The following STARD9 variants were observed in gnomAD, a reference collection of about 807,000 sequenced individuals.
STARD9 encodes StAR related lipid transfer domain containing 9, also known as stAR-related lipid transfer protein 9.
A neutral mutation model predicts 399.8 loss-of-function variants in STARD9; 346 were observed. The ratio of observed to expected loss-of-function variants is 0.87; its 90% confidence interval spans 0.79 to 0.95. The LOEUF (loss-of-function observed/expected upper bound fraction) is 0.95. STARD9 is among the 40% of genes least tolerant of loss of function. STARD9 has a pLI of 0.00. For synonymous variants in STARD9, 2,203 were observed against 2,143.5 expected, an observed-to-expected ratio of 1.03 and a Z score of -0.77; for missense variants, 5,832 against 5,667.5, an observed-to-expected ratio of 1.03 and a Z score of -0.93.
intron 3 of STARD9, among the ~76,000 whole-genome samples, chr15:42,615,495 TAAA>T (rs1297419905): frequency 6.6e-6 from 1 of 152,000 alleles, no homozygotes; most frequent in African/African-American, 2.4e-5. Context: ...ATTTTTTAGT[TAAA>T]AAATTATTTA....
chr15:42,585,551 T>C lies in STARD9; in HGVS notation c.148T>C (p.Ser50Pro). 1 of 1,537,130 alleles carries C rather than the reference T, an allele frequency of 6.5e-7. No individual in the cohort carries two copies. The highest frequency in any genetic ancestry group is 1.2e-5 in the South Asian group (1 of 84,056). The stretch of plus-strand genomic sequence containing the variant: ...CAATCGACCAGATGGCTTTGGGGAC[T>C]CCCGGGAGAAGGTTATGGCATTTGG... Reference protein sequence around the residue: ...VDNRPDGFGDSREKVMAFGFD... With the variant: ...VDNRPDGFGDPREKVMAFGFD... The change falls in exon 3 of 33, where the codon TCC (serine) becomes CCC (proline). Residue 50 changes from serine to proline, a missense_variant. Ser to Pro is a moderately conservative substitution (Grantham distance 74). Around this residue, in one of 2 missense-constraint regions of STARD9, gnomAD observed 5,828 missense variants for 5,651.1 expected, o/e 1.03. Transcript: ENST00000290607.
At chr15:42,719,115 A>G (rs1314869953) in intron 32 of STARD9, among the ~76,000 whole-genome samples, 2 of 152,316 alleles carry the variant, frequency 1.3e-5, no homozygotes, top group East Asian at 1.9e-4. Flanking sequence ...GAGTTTATCA[A>G]TCTTTTCTGA....
Position 42,689,261 on chromosome 15 carries a change from G to C in STARD9, c.7683G>C (p.Gln2561His). Reference protein sequence around the residue: ...ILEEIRQAKAQRKQLHDFVAR... With the variant: ...ILEEIRQAKAHRKQLHDFVAR... ...AGGAGATCAGACAGGCAAAGGCCCA[G>C]AGAAAGCAGCTTCATGACTTTGTGG... Residue 2561 changes from glutamine (Q) to histidine (H), a missense_variant, in exon 23 of 33, where the codon CAG (glutamine) becomes CAC (histidine). Around this residue, in one of 2 missense-constraint regions of STARD9, gnomAD observed 5,828 missense variants for 5,651.1 expected, o/e 1.03. Transcript: ENST00000290607. 2.6e-6 allele frequency: 4 copies of C among 1,537,278 alleles called. No individual in the cohort carries two copies. Among genetic ancestry groups the C allele is most frequent in the Non-Finnish European group, 3.5e-6 (4 of 1,146,914 alleles).
At chr15:42,708,651 T>C (rs945110586) in intron 26 of STARD9, among the ~76,000 whole-genome samples, 3 of 152,224 alleles carry the variant, frequency 2.0e-5, no homozygotes, top group African/African-American at 7.2e-5. Context: ...TTTTGGAATG[T>C]ATTTATCTGC....
chr15:42,685,642 G>A lies in STARD9; in HGVS notation c.4064G>A (p.Gly1355Asp), dbSNP rs1001369522. 10 of 1,537,112 alleles carry A rather than the reference G, an allele frequency of 6.5e-6. No homozygotes were observed. Among genetic ancestry groups the A allele is most frequent in the South Asian group, 1.2e-5 (1 of 84,066 alleles). Residue 1355 changes from glycine (G) to aspartate (D), a missense_variant, in exon 23 of 33, where the codon GGT becomes GAT. Physicochemically the swap from Gly to Asp is moderately conservative, Grantham distance 94 (BLOSUM62 -1). Transcript: ENST00000290607. ...CCCAGCAGCCCCCCAGGAATAGTGGGTTCTTTATGTCCAAGTCCTGATATG... is the reference window on the plus strand; with the variant it reads ...CCCAGCAGCCCCCCAGGAATAGTGGATTCTTTATGTCCAAGTCCTGATATG... ...INPSSPPGIV[G>D]SLCPSPDMQE...
intron 3 of STARD9, among the ~76,000 whole-genome samples, chr15:42,592,001 T>TA (rs2058405277): frequency 6.6e-6 from 1 of 152,200 alleles, no homozygotes; most frequent in Non-Finnish European, 1.5e-5. Context: ...TCAAGACTGT[T>TA]TAACTCTAAA....
intron 20 of STARD9, among the ~76,000 whole-genome samples, chr15:42,680,924 C>T (rs1218919299): frequency 6.6e-6 from 1 of 152,130 alleles, no homozygotes; most frequent in East Asian, 1.9e-4. Context: ...TATCAGCTGC[C>T]TTTTGCTACC....
chr15:42,712,096 T>TATATATATATATAAAATATAA (rs1566966126), intron 26 of STARD9, among the ~76,000 whole-genome samples: 2 of 506 alleles, frequency 4.0e-3, no homozygotes, highest in African/African-American at 7.3e-3. Flanking sequence ...TATATATATA[T>TATATATATATATAAAATATAA]AATATATAAT....
chr15:42,577,526 G>A (rs1476417555), intron 1 of STARD9, among the ~76,000 whole-genome samples: 2 of 152,200 alleles, frequency 1.3e-5, no homozygotes, highest in Admixed American at 1.3e-4. Context: ...TGCAGCCACA[G>A]TAGAGAATAA....
chr15:42,579,404 G>T (rs1566846835), intron 1 of STARD9, among the ~76,000 whole-genome samples: 2 of 152,148 alleles, frequency 1.3e-5, no homozygotes, highest in South Asian at 4.1e-4. Context: ...TTAAAAAGTT[G>T]CTGTTCAAAA....
intron 26 of STARD9, among the ~76,000 whole-genome samples, chr15:42,705,516 C>G (rs762847903): frequency 3.9e-5 from 6 of 152,080 alleles, no homozygotes; most frequent in Non-Finnish European, 8.8e-5. Context: ...TCACTGCAAC[C>G]TCCGCCTCCC....
chr15:42,716,385 TG>T (rs1321414416), intron 26 of STARD9, among the ~76,000 whole-genome samples: 5 of 152,126 alleles, frequency 3.3e-5, no homozygotes, highest in African/African-American at 4.8e-5. Flanking sequence ...CCCCCTAGCT[TG>T]GAAGCTGGCA....
At position 42,682,488 on chromosome 15, in the gene STARD9, C is replaced by T; in HGVS notation, c.2450C>T (p.Pro817Leu). ...GTCCTCAGCCCTGATGCCACAGTCC[C>T]ACGGCCTCCATGTAGAAGCAAATTG... is the stretch of plus-strand genomic sequence containing the variant. ...YQVLSPDATV[P>L]RPPCRSKLTS... is the part of the protein sequence containing the mutation. Residue 817 changes from proline (P) to leucine (L), a missense_variant, in exon 22 of 33, where the codon CCA becomes CTA. This residue lies in a region of STARD9 where 5,828 missense variants were observed against 5,651.1 expected (regional missense o/e 1.03). Coordinates refer to ENST00000290607, the MANE Select transcript of STARD9 (RefSeq NM_020759.3). 6.5e-7 allele frequency: 1 copy of T among 1,537,186 alleles called. No homozygotes were observed. The highest frequency in any genetic ancestry group is 8.7e-7 in the Non-Finnish European group (1 of 1,146,888).
At chr15:42,588,383 T>A (rs1429224452) in intron 3 of STARD9, among the ~76,000 whole-genome samples, 1 of 152,166 alleles carries the variant, frequency 6.6e-6, no homozygotes, top group Non-Finnish European at 1.5e-5. Context: ...TTTTGCCTGA[T>A]TTGAAATTTG....
rs781511205 is a variant in STARD9 at position 42,686,953 on chromosome 15, C to T, written c.5375C>T (p.Ala1792Val). Residue 1792 changes from alanine (A) to valine (V), a missense_variant, in exon 23 of 33, where the codon GCT becomes GTT. By Grantham distance (64) the Ala-to-Val change is moderately conservative. Coordinates refer to ENST00000290607, the MANE Select transcript of STARD9 (RefSeq NM_020759.3). ...FGHNHQALQG[A>V]YLKNNLPVLL... ...CACAACCACCAAGCTCTCCAAGGTG[C>T]TTATTTGAAGAATAATTTGCCAGTG... 3.2e-5 allele frequency: 49 copies of T among 1,536,340 alleles called. No homozygotes were observed. The African/African-American group carries it at 6.4e-4, about 20-fold the overall frequency.
chr15:42,690,102 A>T lies in STARD9; in HGVS notation c.8524A>T (p.Thr2842Ser). 6.5e-7 allele frequency: 1 copy of T among 1,537,756 alleles called. No individual in the cohort carries two copies. ...CCATGTCCAATGCCCTGAGGCTTCT[A>T]CTGGCTTTGAAGAAGGTAGGGCAAG... ...QDHVQCPEAS[T>S]GFEEGRASPK... The change falls in exon 23 of 33, where the codon ACT becomes TCT. Residue 2842 changes from threonine (T) to serine (S), a missense_variant. Transcript: ENST00000290607.
Position 42,675,978 on chromosome 15 carries a change from A to G in STARD9, c.1874+3A>G. On this transcript the variant is annotated splice_donor_region_variant and intron_variant, in intron 20 of 32. Transcript: ENST00000290607. ...TCCCCTTTGCTTTGGAAGGAAAGGT[A>G]AGAAATAGCTGCTTATACTGATGTG... The G allele has an allele frequency of 2.6e-6, 4 of 1,533,032 alleles. No individual in the cohort carries two copies. The highest frequency in any genetic ancestry group is 2.0e-5 in the Admixed American group (1 of 50,862). The allele number at this position is 1,533,032 out of a possible 1,614,324, so 95.0% of individuals were successfully genotyped here. A position where few individuals can be genotyped will look rare whatever the true frequency, so the allele number is the denominator to read the frequency against.
In STARD9 at chr15:42,661,765, A is replaced by C. The variant is rs542299362; in HGVS notation, c.770+540A>C. Among the ~76,000 whole-genome samples the C allele has an allele frequency of 4.3e-4, 66 of 152,068 alleles. 1 individual carries two copies. ...AGCCACTGCACCTGGCCACCTGAGG[A>C]CCTTTTAAAACTCCCCATACCTACA... On this transcript the variant is annotated intron_variant, in intron 10 of 32. Coordinates refer to ENST00000290607, the MANE Select transcript of STARD9 (RefSeq NM_020759.3).
intron 1 of STARD9, among the ~76,000 whole-genome samples, chr15:42,578,800 A>G (rs12443323): frequency 1.3e-5 from 2 of 152,224 alleles, no homozygotes; most frequent in Non-Finnish European, 2.9e-5. Context: ...AGAGACATCA[A>G]TCATCACAAA....
Sources: allele counts gnomAD v4.1 joint callset (sites outside exome capture counted in the v4.1 genomes callset), GRCh38; gene constraint gnomAD v4.1.1; regional missense constraint gnomAD v4.1.1; transcripts MANE v1.5; gene names NCBI Gene and HGNC (gene_info 2026-07-23, HGNC 2026-07-21).